The following MBNL1 variants were observed in gnomAD, a reference collection of about 807,000 sequenced individuals.
The protein encoded by MBNL1 is muscleblind-like protein 1.
A neutral mutation model predicts 42.2 loss-of-function variants in MBNL1; 8 were observed. The ratio of observed to expected loss-of-function variants is 0.19; its 90% CI spans 0.11 to 0.34. The LOEUF is 0.34. Ranked by LOEUF, MBNL1 falls within the 10% of genes least tolerant of loss-of-function variation. The pLI, the probability that MBNL1 is intolerant of heterozygous loss-of-function variation, is 1.00. For missense variants in MBNL1, 309 were observed against 495.3 expected, an observed-to-expected ratio of 0.62 and a Z score of 3.57; for synonymous variants, 169 against 173.9, an observed-to-expected ratio of 0.97 and a Z score of 0.22.
chr3:152,464,307 ATTG>A lies in MBNL1; in HGVS notation c.*1944_*1946del, dbSNP rs1202694182. On this transcript the variant is annotated 3_prime_UTR_variant, in exon 10 of 10. Transcript: ENST00000324210. ...CATGTAGTGTCACATGAATATTCGT[ATTG>A]TTAACTAAATGATTTATATTTTACT... 1.3e-5 allele frequency: 2 copies of A among 152,530 alleles called. No individual in the cohort carries two copies. The highest frequency in any genetic ancestry group is 1.9e-4 in the East Asian group (1 of 5,200). 9.4% of individuals were successfully genotyped at this position (152,530 alleles called of 1,614,324 possible). A position where few individuals can be genotyped will look rare whatever the true frequency, so the allele number is the denominator to read the frequency against.
At chr3:152,307,037 T>C (rs992951852) in intron 2 of MBNL1, among the ~76,000 whole-genome samples, 1 of 152,218 alleles carries the variant, frequency 6.6e-6, no homozygotes, top group Non-Finnish European at 1.5e-5. Context: ...TTGTCCAGGC[T>C]TGAGTGCAGT....
chr3:152,311,908 C>T (rs889149784), intron 2 of MBNL1, among the ~76,000 whole-genome samples: 4 of 151,570 alleles, frequency 2.6e-5, no homozygotes, highest in South Asian at 2.1e-4. Context: ...AGATGTATCT[C>T]GGATGGGCGC....
chr3:152,277,316 A>G (rs1385800583), intron 1 of MBNL1, among the ~76,000 whole-genome samples: 2 of 152,154 alleles, frequency 1.3e-5, no homozygotes, highest in African/African-American at 2.4e-5. Context: ...GAAATGTCTC[A>G]ATGTCAACCA....
intron 2 of MBNL1, among the ~76,000 whole-genome samples, chr3:152,321,302 A>G (rs1488927431): frequency 6.6e-6 from 1 of 152,158 alleles, no homozygotes; most frequent in Non-Finnish European, 1.5e-5. Context: ...CAAATGCTAC[A>G]ATCACCACTT....
chr3:152,454,329 A>G (rs574370089), intron 6 of MBNL1, among the ~76,000 whole-genome samples: 1 of 152,146 alleles, frequency 6.6e-6, no homozygotes, highest in South Asian at 2.1e-4. Context: ...TCTCAATGGC[A>G]GCTTTATTTT....
At chr3:152,402,328 CT>C (rs1328852836) in intron 2 of MBNL1, among the ~76,000 whole-genome samples, 2 of 152,180 alleles carry the variant, frequency 1.3e-5, no homozygotes, top group Non-Finnish European at 2.9e-5. Flanking sequence ...TATCCCTAGC[CT>C]GGTATTCTTA....
intron 2 of MBNL1, among the ~76,000 whole-genome samples, chr3:152,256,346 T>C (rs2035444220): frequency 6.6e-6 from 1 of 152,188 alleles, no homozygotes; most frequent in African/African-American, 2.4e-5. Flanking sequence ...TACACTGATT[T>C]CTGATAATGG....
At chr3:152,363,365 A>G (rs977525453) in intron 2 of MBNL1, among the ~76,000 whole-genome samples, 5 of 152,140 alleles carry the variant, frequency 3.3e-5, no homozygotes, top group African/African-American at 1.2e-4. Flanking sequence ...TCAGAGTGTA[A>G]GACAGCAGGG....
At position 152,447,827 on chromosome 3, in the gene MBNL1, C is replaced by G. The variant is rs1391357336; in HGVS notation, c.961+54C>G. The G allele has an allele frequency of 5.2e-6, 8 of 1,525,972 alleles. No individual in the cohort carries two copies. The Admixed American group carries it at 9.0e-5, about 17-fold the overall frequency. The allele number at this position is 1,525,972 out of a possible 1,614,324, so 94.5% of individuals were successfully genotyped here. A position where few individuals can be genotyped will look rare whatever the true frequency, so the allele number is the denominator to read the frequency against. ...ATCTGATGATCTACAGAGAGTCCTA[C>G]TGTTAGAGCAGATAAACCACACCCC... On this transcript the variant is annotated intron_variant, in intron 6 of 9. Transcript: ENST00000324210.
chr3:152,341,622 C>CTG (rs1186521132), intron 2 of MBNL1, among the ~76,000 whole-genome samples: 1 of 152,168 alleles, frequency 6.6e-6, no homozygotes, highest in Non-Finnish European at 1.5e-5. Flanking sequence ...AGCATGGGAG[C>CTG]TGTCCATACC....
chr3:152,432,268 A>C (rs2099017222), intron 3 of MBNL1, among the ~76,000 whole-genome samples: 1 of 152,204 alleles, frequency 6.6e-6, no homozygotes, highest in African/African-American at 2.4e-5. Flanking sequence ...TATTTATTCC[A>C]GATAATAGGA....
chr3:152,284,554 GT>G (rs1241313833), intron 1 of MBNL1, among the ~76,000 whole-genome samples: 2 of 151,798 alleles, frequency 1.3e-5, no homozygotes, highest in Admixed American at 1.3e-4. Context: ...AGTAATTGCA[GT>G]TTTAAAAAAA....
chr3:152,430,249 TAAAA>T lies in MBNL1; in HGVS notation c.346-2466_346-2463del, dbSNP rs1381703438. Among the ~76,000 whole-genome samples, 3 of 152,218 alleles carry T rather than the reference TAAAA, an allele frequency of 2.0e-5. No individual in the cohort carries two copies. In the East Asian group the frequency reaches 5.8e-4, roughly 29 times the overall value. On this transcript the variant is annotated intron_variant, in intron 3 of 9. Transcript: ENST00000324210. ...AGCCTCTGGTCTCATTTTATTAAAA[TAAAA>T]ATTGCTTTTTCTTCCAAAAACATTT...
chr3:152,268,749 G>A (rs1351632520), upstream of MBNL1: 3 of 454,586 alleles, frequency 6.6e-6, no homozygotes, highest in African/African-American at 6.0e-5. Context: ...CTGTGGCCCG[G>A]GGAAGCGCGG....
chr3:152,272,201 A>G (rs1474059299), intron 1 of MBNL1, among the ~76,000 whole-genome samples: 1 of 152,160 alleles, frequency 6.6e-6, no homozygotes, highest in Non-Finnish European at 1.5e-5. Flanking sequence ...AAAACAATAA[A>G]ATTGGCTTAT....
intron 2 of MBNL1, among the ~76,000 whole-genome samples, chr3:152,330,890 G>A (rs926875289): frequency 1.3e-5 from 2 of 152,002 alleles, no homozygotes; most frequent in African/African-American, 2.4e-5. Context: ...CATCCTCTGG[G>A]GGTCTTGGAA....
chr3:152,345,064 T>C (rs954334806), intron 2 of MBNL1, among the ~76,000 whole-genome samples: 3 of 152,144 alleles, frequency 2.0e-5, no homozygotes, highest in Non-Finnish European at 4.4e-5. Flanking sequence ...AAACGTTGTT[T>C]TACTTCACTT....
intron 1 of MBNL1, among the ~76,000 whole-genome samples, chr3:152,282,295 A>G (rs781590802): frequency 5.9e-5 from 9 of 152,132 alleles, no homozygotes; most frequent in African/African-American, 1.9e-4. Flanking sequence ...CCTGATATCA[A>G]TGGATTTGAA....
chr3:152,332,739 T>TGTGTGTGTGTGTGTGTGTGTGTGCGC (rs1256022678), intron 2 of MBNL1, among the ~76,000 whole-genome samples: 1 of 115,646 alleles, frequency 8.6e-6, no homozygotes, highest in African/African-American at 3.4e-5. Flanking sequence ...TGTGTGTGTG[T>TGTGTGTGTGTGTGTGTGTGTGTGCGC]GCGCGCGCGC....
Sources: allele counts gnomAD v4.1 joint callset (sites outside exome capture counted in the v4.1 genomes callset), GRCh38; gene constraint gnomAD v4.1.1; transcripts MANE v1.5; gene names NCBI Gene and HGNC (gene_info 2026-07-23, HGNC 2026-07-21).